PTPDC1: variants seen among roughly 807,000 people sequenced by gnomAD.
PTPDC1 encodes the protein protein tyrosine phosphatase domain containing 1.
In PTPDC1, 53 loss-of-function variants were observed where a neutral mutation model predicts 75.3. The observed-to-expected ratio is 0.70, with a 90% CI of 0.56 to 0.88. The LOEUF (loss-of-function observed/expected upper bound fraction) is 0.88. Among genes scored for constraint, PTPDC1 ranks in the 40% least tolerant of loss-of-function variants. The pLI is 0.00. For missense variants in PTPDC1, 925 were observed against 998.6 expected (o/e 0.93, Z 0.99); for synonymous variants, 349 against 366.2 (o/e 0.95, Z 0.54).
chr9:94,061,363 G>A (rs1291706661), intron 1 of PTPDC1, among the ~76,000 whole-genome samples: 2 of 152,206 alleles, frequency 1.3e-5, no homozygotes, highest in Non-Finnish European at 2.9e-5. Context: ...CAGACACAGG[G>A]TGCAAGCTGC....
chr9:94,030,864 A>T (rs1397810164), exon 1 of PTPDC1: 1 of 152,118 alleles, frequency 6.6e-6, no homozygotes, highest in African/African-American at 2.4e-5. Flanking sequence ...GGAGCAGCCC[A>T]GGCGCTCGCC....
chr9:94,043,468 A>C (rs1339103215), intron 1 of PTPDC1, among the ~76,000 whole-genome samples: 3 of 152,204 alleles, frequency 2.0e-5, no homozygotes, highest in Non-Finnish European at 2.9e-5. Flanking sequence ...AGTTCAAACA[A>C]TACAGAAATG....
chr9:94,089,625 C>A (rs1827220790), intron 4 of PTPDC1, among the ~76,000 whole-genome samples: 1 of 144,684 alleles, frequency 6.9e-6, no homozygotes, highest in Non-Finnish European at 1.5e-5. Context: ...AATGGTATTT[C>A]CAGTTCTAGA....
exon 2 of PTPDC1, chr9:94,064,753 T>G: frequency 6.2e-7 from 1 of 1,613,366 alleles, no homozygotes; most frequent in Non-Finnish European, 8.5e-7. Context: ...GCTGCAGGAG[T>G]CTTGCCTCAG....
At chr9:94,038,868 A>G (rs1825350497) in intron 1 of PTPDC1, among the ~76,000 whole-genome samples, 1 of 152,228 alleles carries the variant, frequency 6.6e-6, no homozygotes, top group Non-Finnish European at 1.5e-5. Context: ...CACTGTATTT[A>G]AAATGGTTCC....
intron 2 of PTPDC1, 123 bp downstream of exon 2, chr9:94,085,545 C>A: frequency 9.9e-7 from 1 of 1,009,408 alleles, no homozygotes; most frequent in Non-Finnish European, 1.4e-6. Flanking sequence ...CTCACTTTGC[C>A]AGTCAGTTCT....
chr9:94,071,247 T>C (rs1349993177), intron 2 of PTPDC1, among the ~76,000 whole-genome samples: 1 of 152,194 alleles, frequency 6.6e-6, no homozygotes, highest in Non-Finnish European at 1.5e-5. Context: ...TTAATTTGCA[T>C]TTCCTTAATG....
At chr9:94,047,723 T>C (rs2118437818) in intron 1 of PTPDC1, among the ~76,000 whole-genome samples, 1 of 152,152 alleles carries the variant, frequency 6.6e-6, no homozygotes, top group East Asian at 1.9e-4. Context: ...CAATAAAAAA[T>C]GATAAAGGGG....
chr9:94,105,795 C>T (rs191028545), intron 8 of PTPDC1, among the ~76,000 whole-genome samples: 71 of 151,460 alleles, frequency 4.7e-4, no homozygotes, highest in African/African-American at 1.7e-3. Flanking sequence ...GGTGAAACCC[C>T]ATCTCTACTA....
intron 7 of PTPDC1, among the ~76,000 whole-genome samples, chr9:94,103,112 G>T (rs773701885): frequency 6.6e-6 from 1 of 151,822 alleles, no homozygotes; most frequent in South Asian, 2.1e-4. Context: ...AGACATGTGC[G>T]TGCCTGCACA....
At chr9:94,062,725 C>T (rs1826180317) in intron 1 of PTPDC1, among the ~76,000 whole-genome samples, 1 of 152,168 alleles carries the variant, frequency 6.6e-6, no homozygotes, top group Non-Finnish European at 1.5e-5. Context: ...AAGGATCCAT[C>T]CTTATGATCC....
intron 1 of PTPDC1, among the ~76,000 whole-genome samples, chr9:94,044,274 A>G (rs1825519230): frequency 6.6e-6 from 1 of 152,188 alleles, no homozygotes; most frequent in African/African-American, 2.4e-5. Context: ...GTTATCTTTC[A>G]ATCAAGAACA....
At chr9:94,091,238 T>C (rs1827305458) in intron 4 of PTPDC1, among the ~76,000 whole-genome samples, 1 of 152,112 alleles carries the variant, frequency 6.6e-6, no homozygotes, top group Admixed American at 6.5e-5. Context: ...TAGCTCTTAT[T>C]ATTTTGAAAT....
chr9:94,068,848 C>T (rs1019128869), intron 2 of PTPDC1, among the ~76,000 whole-genome samples: 2 of 152,064 alleles, frequency 1.3e-5, no homozygotes, highest in Non-Finnish European at 2.9e-5. Context: ...ATTATTTGTT[C>T]GATTATTTAT....
chr9:94,072,540 TATC>T (rs941627407), intron 2 of PTPDC1, among the ~76,000 whole-genome samples: 18 of 152,204 alleles, frequency 1.2e-4, no homozygotes, highest in African/African-American at 4.3e-4. Context: ...TTTCTTGCCT[TATC>T]ATAGTAGCCT....
intron 1 of PTPDC1, among the ~76,000 whole-genome samples, chr9:94,057,669 C>G (rs770550224): frequency 9.9e-5 from 15 of 152,160 alleles, no homozygotes; most frequent in Non-Finnish European, 1.9e-4. Flanking sequence ...CAGAATTGTT[C>G]ATATAGCTGA....
chr9:94,088,780 T>G (rs1191766748), intron 4 of PTPDC1, among the ~76,000 whole-genome samples: 1 of 152,114 alleles, frequency 6.6e-6, no homozygotes, highest in African/African-American at 2.4e-5. Context: ...TGAAATACAC[T>G]CAACATGTGT....
intron 1 of PTPDC1, among the ~76,000 whole-genome samples, chr9:94,047,087 C>T (rs936808201): frequency 1.3e-5 from 2 of 152,170 alleles, no homozygotes; most frequent in Non-Finnish European, 2.9e-5. Context: ...GCCTTTTCTG[C>T]ATCTATTGAG....
intron 2 of PTPDC1, among the ~76,000 whole-genome samples, chr9:94,069,484 A>G (rs528988112): frequency 2.0e-5 from 3 of 151,264 alleles, no homozygotes; most frequent in East Asian, 3.9e-4. Flanking sequence ...CTGTCTATAT[A>G]TATTGAAAAC....
Sources: allele counts gnomAD v4.1 joint callset (sites outside exome capture counted in the v4.1 genomes callset), GRCh38; gene constraint gnomAD v4.1.1; transcripts MANE v1.5; gene names NCBI Gene and HGNC (gene_info 2026-07-23, HGNC 2026-07-21).